Variants in EIF2D observed in about 807,000 individuals in gnomAD.
The protein encoded by EIF2D is hepatocellular carcinoma-associated antigen 56.
EIF2D carries 56 observed loss-of-function variants against 77.4 expected under a neutral mutation model. That is an observed-to-expected ratio of 0.72 (90% CI 0.58 to 0.90). EIF2D has a LOEUF of 0.90. EIF2D is among the 40% of genes least tolerant of loss of function. The pLI is 0.00. For missense variants in EIF2D, 574 were observed against 706.5 expected, an observed-to-expected ratio of 0.81 and a Z score of 2.13; for synonymous variants, 230 against 271.0, an observed-to-expected ratio of 0.85 and a Z score of 1.49.
Position 206,599,655 on chromosome 1 carries a change from G to C in EIF2D, c.1053-43C>G. 6.2e-7 allele frequency: 1 copy of C among 1,607,224 alleles called. No homozygotes were observed. The highest frequency in any genetic ancestry group is 8.5e-7 in the Non-Finnish European group (1 of 1,177,162). On this transcript the variant is annotated intron_variant, in intron 9 of 14. Transcript: ENST00000271764. This position sits in a 1 kb window ranked among gnomAD's most constrained non-coding sequence, Gnocchi z 4.1. ...GAAAGAAAAAACACATTTTATACTA[G>C]CATCTCAGCAATCCCCAGTCCGTGG...
rs1010384731 is a variant in EIF2D at position 206,579,037 on chromosome 1, G to A, written c.*254+1655C>T. On this transcript the variant is annotated intron_variant and NMD_transcript_variant, in intron 4 of 5. Coordinates refer to the EIF2D transcript ENST00000472709. This position sits in a 1 kb window ranked among gnomAD's most constrained non-coding sequence, Gnocchi z 4.2. ...CATTAGAGAATCACTCAGGGTCGGG[G>A]TGTCGCTGTGAACCCCTAGCACCCA... Among the ~76,000 whole-genome samples the A allele has an allele frequency of 2.0e-5, 3 of 152,166 alleles. No homozygotes were observed. Among genetic ancestry groups the A allele is most frequent in the Non-Finnish European group, 4.4e-5 (3 of 68,026 alleles).
Position 206,595,534 on chromosome 1 carries a change from G to A in EIF2D, c.1509+184C>T, listed in dbSNP as rs188009221. ...AACAAAATCCTAGAGGGCAGTGAGT[G>A]AGCGGGGTCAGCTTTACCTGTTTCA... On this transcript the variant is annotated intron_variant, in intron 13 of 14. Transcript: ENST00000271764. The A allele has an allele frequency of 9.3e-6, 5 of 539,488 alleles. No homozygotes were observed. In the South Asian group the frequency reaches 1.7e-4, roughly 18 times the overall value. 33.4% of individuals were successfully genotyped at this position (539,488 alleles called of 1,614,324 possible).
chr1:206,611,678 C>A (rs182382058), intron 1 of EIF2D, among the ~76,000 whole-genome samples: 12 of 152,356 alleles, frequency 7.9e-5, no homozygotes, highest in African/African-American at 2.6e-4. Flanking sequence ...TCATGCCTAG[C>A]CCTTGGGCCC....
At chr1:206,571,281 A>G (rs1180894656), downstream of EIF2D, 1 of 105,208 alleles carries the variant, frequency 9.5e-6, no homozygotes, top group East Asian at 2.7e-4. Context: ...TTTTTTCATC[A>G]GGTTTTTTTT....
chr1:206,584,692 A>G lies in EIF2D; in HGVS notation c.139-3530T>C, dbSNP rs781790516. 1.2e-6 allele frequency: 2 copies of G among 1,614,104 alleles called. No homozygotes were observed. The highest frequency in any genetic ancestry group is 2.2e-5 in the South Asian group (2 of 91,084). On this transcript the variant is annotated intron_variant and NMD_transcript_variant, in intron 2 of 5. Transcript: ENST00000472709. The surrounding 1 kb of genome is among the most constrained non-coding windows in gnomAD (Gnocchi z 4.9). ...TACACAAGGACGGACAAGGTAGGAGAAAGAGTGAACCCAACCAGACCGTTC... is the reference window on the plus strand; with the variant it reads ...TACACAAGGACGGACAAGGTAGGAGGAAGAGTGAACCCAACCAGACCGTTC...
chr1:206,569,304 T>C (rs1553403853), downstream of EIF2D, among the ~76,000 whole-genome samples: 3 of 152,030 alleles, frequency 2.0e-5, no homozygotes, highest in African/African-American at 7.3e-5. Context: ...TAGGTTATGG[T>C]TGGTAAATCA....
chr1:206,582,745 C>G (rs77213936), intron 2 of EIF2D, among the ~76,000 whole-genome samples: 2,655 of 152,264 alleles, frequency 0.017, 80 homozygotes, highest in African/African-American at 0.061. Flanking sequence ...GTCCTTGGTC[C>G]TTGGGATCTA....
chr1:206,605,765 T>A (rs1380454526), intron 4 of EIF2D, among the ~76,000 whole-genome samples: 1 of 152,238 alleles, frequency 6.6e-6, no homozygotes, highest in African/African-American at 2.4e-5. Flanking sequence ...TATCACTGCC[T>A]TTGTTTTATT....
Position 206,584,824 on chromosome 1 carries a change from A to G in EIF2D, c.139-3662T>C, listed in dbSNP as rs143066793. 1.6e-3 allele frequency: 1,423 copies of G among 873,482 alleles called. 21 individuals are homozygous for G. The Admixed American group carries it at 0.022, about 13-fold the overall frequency. 54.1% of individuals were successfully genotyped at this position (873,482 alleles called of 1,614,324 possible). A position where few individuals can be genotyped will look rare whatever the true frequency, so the allele number is the denominator to read the frequency against. ...GGGTCCAGCTGCCCATGTGGTGTTC[A>G]GATCTGTGGAATCCGGGCAGGGAGG... On this transcript the variant is annotated intron_variant and NMD_transcript_variant, in intron 2 of 5. Transcript: ENST00000472709. This position sits in a 1 kb window ranked among gnomAD's most constrained non-coding sequence, Gnocchi z 4.9.
At chr1:206,570,248 C>G (rs531439969), downstream of EIF2D, among the ~76,000 whole-genome samples, 268 of 151,998 alleles carry the variant, frequency 1.8e-3, 1 homozygote, top group Non-Finnish European at 2.9e-3. Flanking sequence ...TGGACCACCA[C>G]GCTTGGCTAA....
At chr1:206,570,247 A>G (rs1319707477), downstream of EIF2D, among the ~76,000 whole-genome samples, 1 of 151,752 alleles carries the variant, frequency 6.6e-6, no homozygotes, top group Non-Finnish European at 1.5e-5. Flanking sequence ...ATGGACCACC[A>G]CGCTTGGCTA....
At chr1:206,593,354 A>C (rs1553409281) in intron 14 of EIF2D, among the ~76,000 whole-genome samples, 2 of 152,188 alleles carry the variant, frequency 1.3e-5, no homozygotes, top group African/African-American at 4.8e-5. Context: ...GGGACCAACC[A>C]GGAAGAAAAC....
At chr1:206,610,438 A>C (rs1395486860) in intron 2 of EIF2D, among the ~76,000 whole-genome samples, 6 of 151,944 alleles carry the variant, frequency 3.9e-5, no homozygotes, top group African/African-American at 1.5e-4. Flanking sequence ...AGGATCCCTT[A>C]AGCACAGGAG....
rs1227088968 is a variant in EIF2D, at chr1:206,592,480, A to C, written c.1685-635T>G. ...TTGGGCGTGGGAGGGCATCTTAGGC[A>C]AGGGGATAGCCCAGGCGGAAGCACA... On this transcript the variant is annotated intron_variant, in intron 14 of 14. Coordinates refer to ENST00000271764, the MANE Select transcript of EIF2D (RefSeq NM_006893.3). This position sits in a 1 kb window ranked among gnomAD's most constrained non-coding sequence, Gnocchi z 4.7. Among the ~76,000 whole-genome samples the C allele has an allele frequency of 1.3e-5, 2 of 152,210 alleles. No homozygotes were observed. The highest frequency in any genetic ancestry group is 2.9e-5 in the Non-Finnish European group (2 of 68,028).
rs115109248 is a variant in EIF2D at position 206,593,653 on chromosome 1, T to C, written c.1650A>G (p.Gly550=). The C allele has an allele frequency of 4.7e-5, 75 of 1,611,156 alleles. No individual in the cohort carries two copies. In the East Asian group the frequency reaches 1.6e-3, roughly 35 times the overall value. ...AKDSLQVQIQ[G]NQVHHLGWLL... is the part of the protein sequence containing the mutation. Reference sequence around the variant, plus strand: ...GCCAGCCGAGGTGGTGGACCTGGTTTCCCTGGATCTGCACCTGAAGGCTGT... The same window carrying C: ...GCCAGCCGAGGTGGTGGACCTGGTTCCCCTGGATCTGCACCTGAAGGCTGT... Residue 550 remains glycine (G), a synonymous_variant, in exon 14 of 15, where the codon GGA becomes GGG. Transcript: ENST00000271764.
chr1:206,594,021 T>C (rs1344262238), intron 13 of EIF2D: 3 of 378,792 alleles, frequency 7.9e-6, no homozygotes, highest in Non-Finnish European at 1.4e-5. Context: ...ACAGATACTC[T>C]CTGTATCACA....
At chr1:206,593,510 T>TGTGTGC in intron 14 of EIF2D, 109 bp downstream of exon 14, 39 of 294,160 alleles carry the variant, frequency 1.3e-4, no homozygotes, top group East Asian at 3.7e-4. Context: ...AGAGAGAGAG[T>TGTGTGC]GTGTGTGTGT....
intron 4 of EIF2D, among the ~76,000 whole-genome samples, chr1:206,580,465 T>G (rs2297552): frequency 0.079 from 11,968 of 152,180 alleles, 568 homozygotes; most frequent in East Asian, 0.2. Context: ...AACGGGGTCT[T>G]TCTAATTAGA....
chr1:206,598,899 C>A, intron 11 of EIF2D, 104 bp downstream of exon 11: 1 of 1,139,952 alleles, frequency 8.8e-7, no homozygotes, highest in Non-Finnish European at 1.3e-6. Context: ...CTCTAAGATG[C>A]TATGGTTTTC....
Sources: gnomAD v4.1 joint callset for allele counts (sites outside exome capture counted in the v4.1 genomes callset) on GRCh38, gnomAD v4.1.1 for gene constraint, Gnocchi (gnomAD v3.1) non-coding constraint, MANE v1.5 for transcripts, NCBI Gene and HGNC (gene_info 2026-07-23, HGNC 2026-07-21) for gene names.